ZDHHC9: variants seen among roughly 807,000 people sequenced by gnomAD.
ZDHHC9 encodes the protein palmitoyltransferase ZDHHC9.
Under a neutral mutation model 26.6 loss-of-function variants are expected in ZDHHC9, and 3 were observed. The ratio of observed to expected loss-of-function variants is 0.11; its 90% CI spans 0.05 to 0.29. The LOEUF is 0.29. Ranked by LOEUF, ZDHHC9 falls within the 10% of genes least tolerant of loss-of-function variation. The probability of loss-of-function intolerance (pLI) is 1.00; values close to 1 mark genes in which losing one functional copy is unlikely to be tolerated. For synonymous variants in ZDHHC9, 111 were observed against 109.4 expected (o/e 1.01, Z -0.09); for missense variants, 146 against 296.4 (o/e 0.49, Z 3.73).
intron 10 of ZDHHC9, among the ~76,000 whole-genome samples, chrX:129,808,717 G>T (rs1005007018): frequency 1.5e-4 from 17 of 111,658 alleles, no homozygotes; most frequent in African/African-American, 5.5e-4. Context: ...AGACAAACTG[G>T]ACTACATCAA....
In ZDHHC9 at chrX:129,812,797, A is replaced by G. The variant is rs1375097424; in HGVS notation, c.698T>C (p.Phe233Ser). Residue 233 changes from phenylalanine (F) to serine (S), a missense_variant, in exon 8 of 11, where the codon TTC (phenylalanine) becomes TCC (serine). By Grantham distance (155) the Phe-to-Ser change is radical. Around this residue, in one of 2 missense-constraint regions of ZDHHC9, gnomAD observed 100 missense variants for 250.0 expected, o/e 0.40. Transcript: ENST00000357166. ...TCCCACGACGGACCAGAGTGTAAAGAAGCAAATGAGGACTTCTAGAACAGT... is the reference window on the plus strand; with the variant it reads ...TCCCACGACGGACCAGAGTGTAAAGGAGCAAATGAGGACTTCTAGAACAGT... Reference protein sequence around the residue: ...PGTVLEVLICFFTLWSVVGLT... With the variant: ...PGTVLEVLICSFTLWSVVGLT... 6 of 1,208,174 alleles carry G rather than the reference A, an allele frequency of 5.0e-6. No individual in the cohort carries two copies. The highest frequency in any genetic ancestry group is 6.7e-6 in the Non-Finnish European group (6 of 893,493).
chrX:129,814,506 G>T, intron 6 of ZDHHC9, 152 bp downstream of exon 6: 1 of 816,279 alleles, frequency 1.2e-6, no homozygotes, highest in Non-Finnish European at 1.8e-6. Context: ...TTGCAACCCT[G>T]CTCAAGAGCA....
chrX:129,830,222 T>C (rs758706412), intron 3 of ZDHHC9, among the ~76,000 whole-genome samples: 1 of 111,777 alleles, frequency 8.9e-6, no homozygotes, highest in Non-Finnish European at 1.9e-5. Flanking sequence ...CCTAGTCTTA[T>C]TGGACTGGGA....
rs190201037 is a variant in ZDHHC9 at position 129,834,283 on chromosome X, C to T, written c.168-5142G>A. ...TTCTGTTGTTTATAAGCCACCCAGT[C>T]GATGGTAGTTTCTTACAGCAGCCAG... On this transcript the variant is annotated intron_variant, in intron 3 of 10. Coordinates refer to ENST00000357166, the MANE Select transcript of ZDHHC9 (RefSeq NM_016032.4). Among the ~76,000 whole-genome samples the T allele has an allele frequency of 2.0e-3, 226 of 111,512 alleles. 1 individual carries two copies. Among genetic ancestry groups the T allele is most frequent in the African/African-American group, 6.4e-3 (198 of 30,714 alleles).
intron 3 of ZDHHC9, among the ~76,000 whole-genome samples, chrX:129,836,762 C>T (rs1406534115): frequency 8.9e-6 from 1 of 112,066 alleles, no homozygotes; most frequent in African/African-American, 3.2e-5. Context: ...TGCAAGGCTA[C>T]CAGAAATGCC....
chrX:129,827,643 A>G (rs1003854788), intron 4 of ZDHHC9, among the ~76,000 whole-genome samples: 1 of 110,094 alleles, frequency 9.1e-6, no homozygotes, highest in Non-Finnish European at 1.9e-5. Context: ...TGGCTCCTAG[A>G]TAATGTAGCA....
At chrX:129,817,086 G>A (rs1049666820) in intron 5 of ZDHHC9, among the ~76,000 whole-genome samples, 1 of 110,945 alleles carries the variant, frequency 9.0e-6, no homozygotes, top group Non-Finnish European at 1.9e-5. Flanking sequence ...TGTTAGCCAG[G>A]CTGGTCTCGA....
chrX:129,806,513 A>G (rs755753711), intron 10 of ZDHHC9, 27 bp from the exon 11 acceptor site: 70 of 1,156,818 alleles, frequency 6.1e-5, no homozygotes, highest in Non-Finnish European at 5.7e-5. Context: ...ATGAGATTCA[A>G]CACAAAGCTG....
Position 129,804,094 on chromosome X carries a change from C to G in ZDHHC9, c.*2276G>C, listed in dbSNP as rs1927456241. The G allele has an allele frequency of 9.0e-6, 1 of 111,615 alleles. No homozygotes were observed. Among genetic ancestry groups the G allele is most frequent in the Non-Finnish European group, 1.9e-5 (1 of 53,103 alleles). The allele number at this position is 111,615 out of a possible 1,213,427, so 9.2% of individuals were successfully genotyped here. On this transcript the variant is annotated 3_prime_UTR_variant, in exon 11 of 11. Transcript: ENST00000357166. ...GACCCTTCCCATCAGAAAGAGAAAG[C>G]TTCTCTGTCTGACCTAAGGGTCCTC...
At chrX:129,826,732 C>T (rs776759735) in intron 4 of ZDHHC9, among the ~76,000 whole-genome samples, 19 of 111,907 alleles carry the variant, frequency 1.7e-4, no homozygotes, top group Non-Finnish European at 3.4e-4. Context: ...TGCCAGCACA[C>T]GTCGCCTCTG....
In ZDHHC9 at chrX:129,824,720, T is replaced by C. The variant is rs1456228195; in HGVS notation, c.329-883A>G. 7.1e-5 allele frequency among the ~76,000 whole-genome samples: 8 copies of C among 111,975 alleles called. No homozygotes were observed. The Admixed American group carries it at 7.6e-4, about 11-fold the overall frequency. ...TTTGTCACAGAGTTCCTTTTAATAG[T>C]GAAAAACTAAAAATAACTTCAATGT... On this transcript the variant is annotated intron_variant, in intron 4 of 10. Coordinates refer to ENST00000357166, the MANE Select transcript of ZDHHC9 (RefSeq NM_016032.4).
chrX:129,831,170 ACCT>A (rs1237817302), intron 3 of ZDHHC9, among the ~76,000 whole-genome samples: 1 of 111,042 alleles, frequency 9.0e-6, no homozygotes, highest in Non-Finnish European at 1.9e-5. Flanking sequence ...AGCAAAAATC[ACCT>A]CCACTTATCA....
At chrX:129,829,245 C>T (rs1928089627) in intron 3 of ZDHHC9, 104 bp from the exon 4 acceptor site, 1 of 933,370 alleles carries the variant, frequency 1.1e-6, no homozygotes. Flanking sequence ...TCAGCAGCAC[C>T]TCAAGGGCAG....
At chrX:129,807,065 C>T (rs983717571) in intron 10 of ZDHHC9, among the ~76,000 whole-genome samples, 10 of 112,466 alleles carry the variant, frequency 8.9e-5, no homozygotes, top group Non-Finnish European at 1.7e-4. Context: ...TATATAAACA[C>T]GGGTTGCTGT....
chrX:129,841,063 C>T (rs972099769), intron 3 of ZDHHC9, among the ~76,000 whole-genome samples: 11 of 110,241 alleles, frequency 1.0e-4, no homozygotes, highest in African/African-American at 2.0e-4. Flanking sequence ...CCAGGAGACA[C>T]GCCACAGTGC....
Position 129,842,012 on chromosome X carries a change from G to A in ZDHHC9, c.-67C>T. On this transcript the variant is annotated 5_prime_UTR_variant, in exon 3 of 11. Coordinates refer to ENST00000357166, the MANE Select transcript of ZDHHC9 (RefSeq NM_016032.4). ...AGAGAAGAAACAGAGGCTGAGCCCAGCTTTGAAATCACGTTGCCTGCTATT... is the reference window on the plus strand; with the variant it reads ...AGAGAAGAAACAGAGGCTGAGCCCAACTTTGAAATCACGTTGCCTGCTATT... The A allele has an allele frequency of 8.5e-7, 1 of 1,179,939 alleles. No individual in the cohort carries two copies. Among genetic ancestry groups the A allele is most frequent in the Non-Finnish European group, 1.2e-6 (1 of 867,046 alleles).
rs369950757 is a variant in ZDHHC9 at position 129,835,705 on chromosome X, C to A, written c.167+6074G>T. Among the ~76,000 whole-genome samples, 38 of 111,110 alleles carry A rather than the reference C, an allele frequency of 3.4e-4. No homozygotes were observed. The East Asian group carries it at 8.5e-3, about 25-fold the overall frequency. On this transcript the variant is annotated intron_variant, in intron 3 of 10. Coordinates refer to ENST00000357166, the MANE Select transcript of ZDHHC9 (RefSeq NM_016032.4). ...GGCTGAGGCAGGAGAATCGCTTGAA[C>A]CCGGGAGGCGGAGGTTGCAGTGAGC...
At chrX:129,835,406 C>T (rs1928234378) in intron 3 of ZDHHC9, among the ~76,000 whole-genome samples, 1 of 103,076 alleles carries the variant, frequency 9.7e-6, no homozygotes, top group African/African-American at 3.6e-5. Context: ...AAGATCACAC[C>T]ACTGCACTCC....
At chrX:129,828,439 A>G (rs371269100) in intron 4 of ZDHHC9, among the ~76,000 whole-genome samples, 14 of 109,231 alleles carry the variant, frequency 1.3e-4, no homozygotes, top group African/African-American at 4.0e-4. Flanking sequence ...TGGCCAACAC[A>G]GTGAAATCCC....
Sources: gnomAD v4.1 joint callset for allele counts (sites outside exome capture counted in the v4.1 genomes callset) on GRCh38, gnomAD v4.1.1 for gene constraint, gnomAD v4.1.1 regional missense constraint, MANE v1.5 for transcripts, NCBI Gene and HGNC (gene_info 2026-07-23, HGNC 2026-07-21) for gene names.